CTNNA2: variants seen among roughly 807,000 people sequenced by gnomAD.
CTNNA2 encodes the protein catenin alpha 2.
Under a neutral mutation model 101.0 loss-of-function variants are expected in CTNNA2, and 42 were observed. The ratio of observed to expected loss-of-function variants is 0.42; its 90% confidence interval spans 0.32 to 0.54. The LOEUF is 0.54. Among genes scored for constraint, CTNNA2 ranks in the 20% least tolerant of loss-of-function variants. The probability of loss-of-function intolerance (pLI) is 0.14; values close to 1 mark genes in which losing one functional copy is unlikely to be tolerated. For synonymous variants in CTNNA2, 450 were observed against 456.4 expected (o/e 0.99, Z 0.18); for missense variants, 871 against 1,223.1 (o/e 0.71, Z 4.29).
chr2:80,237,467 G>C (rs11893084), intron 7 of CTNNA2, among the ~76,000 whole-genome samples: 18,398 of 152,110 alleles, frequency 0.12, 2,617 homozygotes, highest in African/African-American at 0.34. Context: ...CTATACATAG[G>C]TGTAAGGAAA....
intron 2 of CTNNA2, among the ~76,000 whole-genome samples, chr2:79,688,223 T>C (rs956892112): frequency 6.6e-6 from 1 of 152,028 alleles, no homozygotes; most frequent in African/African-American, 2.4e-5. Flanking sequence ...TTTCAAGAAA[T>C]GTGGGCTTAA....
At chr2:79,904,637 C>A (rs1289463558) in intron 6 of CTNNA2, among the ~76,000 whole-genome samples, 2 of 152,148 alleles carry the variant, frequency 1.3e-5, no homozygotes, top group African/African-American at 4.8e-5. Flanking sequence ...TCTCTGGCAT[C>A]ATTTCCCTAT....
intron 7 of CTNNA2, among the ~76,000 whole-genome samples, chr2:80,051,418 A>G (rs1696869559): frequency 6.6e-6 from 1 of 152,196 alleles, no homozygotes; most frequent in South Asian, 2.1e-4. Flanking sequence ...AATAATAGCA[A>G]TATGGACTTA....
intron 2 of CTNNA2, among the ~76,000 whole-genome samples, chr2:79,309,066 G>C (rs1676309202): frequency 1.3e-5 from 2 of 151,926 alleles, no homozygotes; most frequent in South Asian, 2.1e-4. Flanking sequence ...GTATTCTCCA[G>C]ACTGTTCTCT....
In CTNNA2 at chr2:80,088,721, AG is replaced by A; in HGVS notation, c.1056+178925del. Among the ~76,000 whole-genome samples, 4 of 152,064 alleles carry A rather than the reference AG, an allele frequency of 2.6e-5. No individual in the cohort carries two copies. In the Middle Eastern group the frequency reaches 0.014, roughly 517 times the overall value. On this transcript the variant is annotated intron_variant, in intron 7 of 18. Transcript: ENST00000402739. ...GTATTTGTTCACTTATGGGAGAAAAAGAAAGAAAGAAGGATTGAAAGGTGAA... is the reference window on the plus strand; with the variant it reads ...GTATTTGTTCACTTATGGGAGAAAAAAAAGAAAGAAGGATTGAAAGGTGAA...
intron 14 of CTNNA2, 67 bp from the exon 15 acceptor site, chr2:80,589,237 C>A: frequency 6.6e-7 from 1 of 1,511,056 alleles, no homozygotes; most frequent in South Asian, 1.2e-5. Context: ...CCGCAGAAGG[C>A]AGAGTCAACA....
chr2:79,505,779 C>G lies in CTNNA2; in HGVS notation c.-6+597C>G, dbSNP rs751834351. 2.0e-5 allele frequency among the ~76,000 whole-genome samples: 3 copies of G among 152,176 alleles called. No individual in the cohort carries two copies. The East Asian group carries it at 5.8e-4, about 29-fold the overall frequency. On this transcript the variant is annotated intron_variant, in intron 5 of 21. Coordinates refer to the CTNNA2 transcript ENST00000466387. Reference sequence around the variant, plus strand: ...TTGGATAATCCATAAATAGTGTGCTCTGTGCACTCTCATTACATTATATTG... The same window carrying G: ...TTGGATAATCCATAAATAGTGTGCTGTGTGCACTCTCATTACATTATATTG...
At chr2:79,919,430 G>T (rs1240344269) in intron 7 of CTNNA2, among the ~76,000 whole-genome samples, 1 of 152,182 alleles carries the variant, frequency 6.6e-6, no homozygotes, top group African/African-American at 2.4e-5. Flanking sequence ...CTGAGCCCTT[G>T]AAAGGTGGTT....
At chr2:80,429,916 A>T (rs1373562482) in intron 9 of CTNNA2, among the ~76,000 whole-genome samples, 1 of 152,230 alleles carries the variant, frequency 6.6e-6, no homozygotes, top group East Asian at 1.9e-4. Context: ...GCAGTGCTTG[A>T]ATTAACTATG....
chr2:80,356,282 G>T (rs1435850070), intron 7 of CTNNA2, among the ~76,000 whole-genome samples: 1 of 152,120 alleles, frequency 6.6e-6, no homozygotes, highest in Non-Finnish European at 1.5e-5. Context: ...GACAGAAAAT[G>T]GAATCTGTAT....
chr2:80,388,685 G>C (rs1192224961), intron 7 of CTNNA2, among the ~76,000 whole-genome samples: 1 of 152,198 alleles, frequency 6.6e-6, no homozygotes, highest in Non-Finnish European at 1.5e-5. Context: ...AGCAAAAACA[G>C]GGAATAATTG....
intron 2 of CTNNA2, among the ~76,000 whole-genome samples, chr2:79,694,933 A>G (rs370535676): frequency 6.6e-6 from 1 of 151,690 alleles, no homozygotes; most frequent in African/African-American, 2.4e-5. Context: ...AAACACAGGC[A>G]TCTGTTGTTA....
At chr2:80,261,596 G>A (rs187660042) in intron 7 of CTNNA2, among the ~76,000 whole-genome samples, 226 of 152,174 alleles carry the variant, frequency 1.5e-3, no homozygotes, top group Middle Eastern at 0.01. Flanking sequence ...CACGTGGTTG[G>A]GGACTTTCAC....
chr2:80,549,329 CT>C (rs1301221162), intron 11 of CTNNA2, among the ~76,000 whole-genome samples: 1 of 151,956 alleles, frequency 6.6e-6, no homozygotes, highest in Non-Finnish European at 1.5e-5. Context: ...TGCTTTTTAA[CT>C]TTTCCTATTT....
At chr2:80,595,844 C>A (rs1052270459) in intron 15 of CTNNA2, among the ~76,000 whole-genome samples, 1 of 152,094 alleles carries the variant, frequency 6.6e-6, no homozygotes, top group East Asian at 1.9e-4. Context: ...CTTGGCTATA[C>A]AGGCTTTTTT....
At chr2:79,477,460 C>T (rs1671062363) in intron 4 of CTNNA2, among the ~76,000 whole-genome samples, 2 of 152,152 alleles carry the variant, frequency 1.3e-5, no homozygotes, top group Non-Finnish European at 2.9e-5. Flanking sequence ...CATGAGCCAT[C>T]ACACCCAGCC....
chr2:79,896,605 G>T (rs751418100), intron 6 of CTNNA2, among the ~76,000 whole-genome samples: 1 of 152,168 alleles, frequency 6.6e-6, no homozygotes, highest in African/African-American at 2.4e-5. Context: ...AGAAGATACC[G>T]ACCTATAAGG....
In CTNNA2 at chr2:80,432,044, A is replaced by G. The variant is rs185050498; in HGVS notation, c.1290+12443A>G. Reference sequence around the variant, plus strand: ...GTTTTAATAATATATTTAACACAGTATAACCAAAATATTACTTCAACATGA... The same window carrying G: ...GTTTTAATAATATATTTAACACAGTGTAACCAAAATATTACTTCAACATGA... On this transcript the variant is annotated intron_variant, in intron 9 of 18. Transcript: ENST00000402739. Among the ~76,000 whole-genome samples, 8 of 152,292 alleles carry G rather than the reference A, an allele frequency of 5.3e-5. No individual in the cohort carries two copies. In the East Asian group the frequency reaches 1.5e-3, roughly 29 times the overall value.
At chr2:79,909,569 G>T (rs770382092) in intron 6 of CTNNA2, 25 bp from the exon 7 acceptor site, 93 of 1,307,996 alleles carry the variant, frequency 7.1e-5, no homozygotes, top group Admixed American at 1.1e-4. Context: ...GCTGATTTTT[G>T]TGTGTGTGTG....
Sources: allele counts gnomAD v4.1 joint callset (sites outside exome capture counted in the v4.1 genomes callset), GRCh38; gene constraint gnomAD v4.1.1; transcripts MANE v1.5; gene names NCBI Gene and HGNC (gene_info 2026-07-23, HGNC 2026-07-21).